UBE3B: variants seen among roughly 807,000 people sequenced by gnomAD.
The protein encoded by UBE3B is ubiquitin-protein ligase E3B.
In UBE3B, 80 loss-of-function variants were observed where a neutral mutation model predicts 132.3. The observed-to-expected ratio is 0.60, with a 90% CI of 0.50 to 0.73. The LOEUF (loss-of-function observed/expected upper bound fraction) is 0.73. Ranked by LOEUF, UBE3B falls within the 30% of genes least tolerant of loss-of-function variation. The pLI is 0.00. For synonymous variants in UBE3B, 487 were observed against 520.4 expected, an observed-to-expected ratio of 0.94 and a Z score of 0.87; for missense variants, 1,196 against 1,362.5, an observed-to-expected ratio of 0.88 and a Z score of 1.92.
Position 109,529,999 on chromosome 12 carries a change from C to T in UBE3B, c.2737C>T (p.Arg913Ter), listed in dbSNP as rs754321780. 3 of 1,614,052 alleles carry T rather than the reference C, an allele frequency of 1.9e-6. No homozygotes were observed. Among genetic ancestry groups the T allele is most frequent in the South Asian group, 1.1e-5 (1 of 91,070 alleles). Reference sequence around the variant, plus strand: ...TTCCATTATCAAACCCGAGTGGATCCGAATGTTCTCAACTCCTGAACTGCA... The same window carrying T: ...TTCCATTATCAAACCCGAGTGGATCTGAATGTTCTCAACTCCTGAACTGCA... ...FRSIIKPEWI[R>*]MFSTPELQRL... The change falls in exon 25 of 28, where the codon CGA becomes TGA. Residue 913 changes from arginine to a stop codon, truncating the protein, a stop_gained. Transcript: ENST00000342494. LOFTEE classifies it high-confidence loss of function.
intron 7 of UBE3B, among the ~76,000 whole-genome samples, chr12:109,489,705 A>T (rs909137410): frequency 6.6e-5 from 10 of 152,184 alleles, no homozygotes; most frequent in African/African-American, 2.4e-4. Flanking sequence ...ATCACTCAAG[A>T]GGTGACACTT....
intron 9 of UBE3B, among the ~76,000 whole-genome samples, chr12:109,497,555 T>G (rs1210531885): frequency 6.6e-6 from 1 of 152,164 alleles, no homozygotes; most frequent in South Asian, 2.1e-4. Context: ...TGCCTTTTTT[T>G]AAAGTTCATT....
At position 109,523,895 on chromosome 12, in the gene UBE3B, A is replaced by G; in HGVS notation, c.2365-83A>G. 1.9e-6 allele frequency: 3 copies of G among 1,574,632 alleles called. No homozygotes were observed. The South Asian group carries it at 3.5e-5, about 18-fold the overall frequency. Reference sequence around the variant, plus strand: ...GAAATGCCGATGGCACCCCTGGGCCATGTCTGCACCCTGAGCCACCCCAAT... The same window carrying G: ...GAAATGCCGATGGCACCCCTGGGCCGTGTCTGCACCCTGAGCCACCCCAAT... On this transcript the variant is annotated intron_variant, in intron 21 of 27. Coordinates refer to ENST00000342494, the MANE Select transcript of UBE3B (RefSeq NM_130466.4).
intron 13 of UBE3B, 77 bp downstream of exon 13, chr12:109,501,611 T>C: frequency 6.6e-7 from 1 of 1,509,104 alleles, no homozygotes; most frequent in South Asian, 1.3e-5. Flanking sequence ...TATATGGATG[T>C]TCCGCTGTGT....
At chr12:109,512,305 C>T (rs1158640143) in intron 18 of UBE3B, among the ~76,000 whole-genome samples, 1 of 152,090 alleles carries the variant, frequency 6.6e-6, no homozygotes, top group Non-Finnish European at 1.5e-5. Flanking sequence ...GGCACTGAGG[C>T]AGAGCCCTGC....
downstream of UBE3B, among the ~76,000 whole-genome samples, chr12:109,537,457 A>G (rs970220383): frequency 1.3e-5 from 2 of 152,220 alleles, no homozygotes; most frequent in Non-Finnish European, 2.9e-5. Flanking sequence ...CCTGAGGATC[A>G]GAGCACAAAC....
In UBE3B at chr12:109,534,242, G is replaced by T; in HGVS notation, c.3016-349G>T. On this transcript the variant is annotated intron_variant, in intron 27 of 27. Transcript: ENST00000342494. This position sits in a 1 kb window ranked among gnomAD's most constrained non-coding sequence, Gnocchi z 5.2. ...ACCGGCCACAGCACCGGTGAGGAGG[G>T]AGGAGTGCATTCAGAAATGTTTGGG... The T allele has an allele frequency of 7.9e-7, 1 of 1,265,702 alleles. No homozygotes were observed. Among genetic ancestry groups the T allele is most frequent in the Non-Finnish European group, 1.0e-6 (1 of 992,470 alleles). 78.4% of individuals were successfully genotyped at this position (1,265,702 alleles called of 1,614,324 possible). A position where few individuals can be genotyped will look rare whatever the true frequency, so the allele number is the denominator to read the frequency against.
intron 19 of UBE3B, among the ~76,000 whole-genome samples, chr12:109,517,640 C>T (rs140714011): frequency 1.5e-4 from 23 of 152,266 alleles, no homozygotes; most frequent in Non-Finnish European, 2.6e-4. Context: ...ATCCTGCCAG[C>T]GATAGAATTG....
intron 18 of UBE3B, among the ~76,000 whole-genome samples, chr12:109,515,468 C>A (rs1009289996): frequency 2.6e-5 from 4 of 151,954 alleles, no homozygotes; most frequent in Non-Finnish European, 5.9e-5. Context: ...CTCCCAAGTT[C>A]AAGCGATTCT....
rs1883251991 is a variant in UBE3B, at chr12:109,534,332, C to T, written c.3016-259C>T. 13 of 1,406,974 alleles carry T rather than the reference C, an allele frequency of 9.2e-6. No individual in the cohort carries two copies. Among genetic ancestry groups the T allele is most frequent in the Middle Eastern group, 2.6e-4 (1 of 3,818 alleles). 87.2% of individuals were successfully genotyped at this position (1,406,974 alleles called of 1,614,324 possible). A position where few individuals can be genotyped will look rare whatever the true frequency, so the allele number is the denominator to read the frequency against. The stretch of plus-strand genomic sequence containing the variant: ...GGTTAACCAGTAATTCGCTGTGAAC[C>T]GGAAGGCCCCATTTCCAAAAGCTTA... On this transcript the variant is annotated intron_variant, in intron 27 of 27. Transcript: ENST00000342494. The surrounding 1 kb of genome is among the most constrained non-coding windows in gnomAD (Gnocchi z 5.2).
chr12:109,524,438 C>T lies in UBE3B; in HGVS notation c.2503C>T (p.Arg835Cys), dbSNP rs767408299. 7 of 1,614,204 alleles carry T rather than the reference C, an allele frequency of 4.3e-6. No homozygotes were observed. Among genetic ancestry groups the T allele is most frequent in the African/African-American group, 2.7e-5 (2 of 75,072 alleles). The change falls in exon 23 of 28, where the codon CGC (arginine) becomes TGC (cysteine). Residue 835 changes from arginine to cysteine, a missense_variant and splice_region_variant. Transcript: ENST00000342494. ...ACTTTCCCCTTCTCTGTTACATTAG[C>T]GCTATGATGGGGACATCACTGACCT... ...EFYKNLTSIK[R>C]YDGDITDLGL... is the part of the protein sequence containing the mutation.
In UBE3B at chr12:109,481,665, A is replaced by G. The variant is rs1488735946; in HGVS notation, c.-99A>G. ...AAATAACAAGCTTTTCTGAAGTGAG[A>G]AGCTGTTCTCAGCCACGAGTCCTGT... On this transcript the variant is annotated 5_prime_UTR_variant, in exon 2 of 28. Transcript: ENST00000342494. 6.6e-6 allele frequency: 1 copy of G among 152,202 alleles called. No individual in the cohort carries two copies. Among genetic ancestry groups the G allele is most frequent in the Non-Finnish European group, 1.5e-5 (1 of 68,036 alleles). 9.4% of individuals were successfully genotyped at this position (152,202 alleles called of 1,614,324 possible).
the UBE3B span, among the ~76,000 whole-genome samples, chr12:109,547,462 CAT>C: frequency 3.3e-5 from 5 of 152,266 alleles, no homozygotes; most frequent in South Asian, 2.1e-4. This position sits in a 1 kb window ranked among gnomAD's most constrained non-coding sequence, Gnocchi z 4.1. Flanking sequence ...CGCGCACACA[CAT>C]GTACACACGC....
At chr12:109,523,904 C>T (rs1881994223) in intron 21 of UBE3B, 74 bp from the exon 22 acceptor site, 1 of 1,593,062 alleles carries the variant, frequency 6.3e-7, no homozygotes, top group Non-Finnish European at 8.6e-7. Context: ...CATGTCTGCA[C>T]CCTGAGCCAC....
At chr12:109,520,078 C>G (rs1881519368) in intron 19 of UBE3B, 1 of 152,226 alleles carries the variant, frequency 6.6e-6, no homozygotes, top group African/African-American at 2.4e-5. Flanking sequence ...GACAGTGTTA[C>G]AGTTGTAGCT....
Position 109,534,787 on chromosome 12 carries a change from T to C in UBE3B, c.*5T>C, listed in dbSNP as rs376040921. The C allele has an allele frequency of 3.1e-5, 46 of 1,504,906 alleles. No individual in the cohort carries two copies. Among genetic ancestry groups the C allele is most frequent in the African/African-American group, 4.3e-5 (3 of 70,456 alleles). 93.2% of individuals were successfully genotyped at this position (1,504,906 alleles called of 1,614,324 possible). ...ACGGGCTTTGAACTCTCCTAGCTCC[T>C]GTCCCAGCCCTGCCTCCAGGGCTCC... On this transcript the variant is annotated 3_prime_UTR_variant, in exon 28 of 28. Coordinates refer to ENST00000342494, the MANE Select transcript of UBE3B (RefSeq NM_130466.4). The surrounding 1 kb of genome is among the most constrained non-coding windows in gnomAD (Gnocchi z 5.2).
rs116889864 is a variant in UBE3B, at chr12:109,534,466, G to A, written c.3016-125G>A. ...CCTCGGGTAGTGGTGCCAGGGCAGC[G>A]CCCTGCACTCTGCCCAGCATCCAGG... On this transcript the variant is annotated intron_variant, in intron 27 of 27. Coordinates refer to ENST00000342494, the MANE Select transcript of UBE3B (RefSeq NM_130466.4). This position sits in a 1 kb window ranked among gnomAD's most constrained non-coding sequence, Gnocchi z 5.2. The A allele has an allele frequency of 5.2e-4, 767 of 1,464,964 alleles. 4 individuals are homozygous for A. In the East Asian group the frequency reaches 0.015, roughly 29 times the overall value. The allele number at this position is 1,464,964 out of a possible 1,614,324, so 90.7% of individuals were successfully genotyped here.
intron 22 of UBE3B, 126 bp downstream of exon 22, chr12:109,524,241 TC>T: frequency 1.4e-6 from 2 of 1,426,022 alleles, no homozygotes; most frequent in Middle Eastern, 2.0e-4. Context: ...GCCCCTCACA[TC>T]CCCCTGTGGG....
intron 9 of UBE3B, chr12:109,492,221 A>G (rs1877560540): frequency 6.6e-6 from 1 of 152,256 alleles, no homozygotes; most frequent in Non-Finnish European, 1.5e-5. Context: ...ACCACTAGCC[A>G]CAGGGGGCTG....
Sources: gnomAD v4.1 joint callset for allele counts (sites outside exome capture counted in the v4.1 genomes callset) on GRCh38, gnomAD v4.1.1 for gene constraint, Gnocchi (gnomAD v3.1) non-coding constraint, MANE v1.5 for transcripts, NCBI Gene and HGNC (gene_info 2026-07-23, HGNC 2026-07-21) for gene names.